The following ANK3 variants were observed in gnomAD, a reference collection of about 807,000 sequenced individuals.
ANK3 encodes the protein ankyrin-3.
A neutral mutation model predicts 370.9 loss-of-function variants in ANK3; 57 were observed. The observed-to-expected ratio is 0.15, with a 90% CI of 0.12 to 0.19. ANK3 has a LOEUF of 0.19. ANK3 is among the 10% of genes least tolerant of loss of function. ANK3 has a pLI of 1.00. For missense variants in ANK3, 4,439 were observed against 5,302.1 expected (o/e 0.84, Z 5.06); for synonymous variants, 1,929 against 1,946.3 (o/e 0.99, Z 0.23).
intron 1 of ANK3, among the ~76,000 whole-genome samples, chr10:60,305,539 A>C (rs1793362589): frequency 6.6e-6 from 1 of 152,074 alleles, no homozygotes; most frequent in Admixed American, 6.6e-5. Flanking sequence ...AAGAGACAGC[A>C]GTTGGTTATC....
chr10:60,576,028 T>C (rs148167224), intron 2 of ANK3, among the ~76,000 whole-genome samples: 94 of 152,328 alleles, frequency 6.2e-4, no homozygotes, highest in Non-Finnish European at 7.8e-4. Context: ...AAATGTTAAA[T>C]GTTAACTACT....
chr10:60,198,198 C>G, intron 14 of ANK3, 142 bp downstream of exon 14: 2 of 812,968 alleles, frequency 2.5e-6, no homozygotes, highest in South Asian at 3.6e-5. Context: ...CACCACAGAG[C>G]TTTGCTGGCC....
chr10:60,064,369 C>CAA, intron 38 of ANK3, 81 bp from the exon 39 acceptor site: 2 of 1,389,768 alleles, frequency 1.4e-6, no homozygotes, highest in Non-Finnish European at 1.9e-6. Flanking sequence ...TCAATTGCCA[C>CAA]AAAAAGAAAA....
At chr10:60,664,247 C>T (rs1212360149) in intron 1 of ANK3, among the ~76,000 whole-genome samples, 1 of 152,202 alleles carries the variant, frequency 6.6e-6, no homozygotes, top group African/African-American at 2.4e-5. Flanking sequence ...CTAATACTGT[C>T]AAGTTAGGGC....
At chr10:60,695,707 A>G (rs1028928532) in intron 1 of ANK3, among the ~76,000 whole-genome samples, 6 of 152,236 alleles carry the variant, frequency 3.9e-5, no homozygotes, top group African/African-American at 1.4e-4. Context: ...AACCAATGAG[A>G]ACAAAGACAC....
In ANK3 at chr10:60,691,139, C is replaced by T. The variant is rs138140319; in HGVS notation, c.57+42124G>A. ...TGTTAGGTCAAAGTCAGCTCTCCTA[C>T]GCTCCATGGCAAGTCTCCCCATCTT... is the stretch of plus-strand genomic sequence containing the variant. On this transcript the variant is annotated intron_variant, in intron 1 of 43. Transcript: ENST00000373827. 1.6e-4 allele frequency among the ~76,000 whole-genome samples: 24 copies of T among 152,238 alleles called. No homozygotes were observed. The East Asian group carries it at 3.1e-3, about 20-fold the overall frequency.
At chr10:60,535,091 T>C (rs1333606788) in intron 2 of ANK3, among the ~76,000 whole-genome samples, 2 of 152,166 alleles carry the variant, frequency 1.3e-5, no homozygotes, top group Non-Finnish European at 2.9e-5. Context: ...CATGTTTTTC[T>C]TTTTGTGAAA....
intron 2 of ANK3, among the ~76,000 whole-genome samples, chr10:60,608,557 T>C (rs1200540780): frequency 6.6e-6 from 1 of 152,158 alleles, no homozygotes; most frequent in Non-Finnish European, 1.5e-5. Flanking sequence ...ATTAGCAGAG[T>C]AACTCCCACC....
intron 2 of ANK3, among the ~76,000 whole-genome samples, chr10:60,408,738 C>T (rs935549252): frequency 3.3e-5 from 5 of 152,118 alleles, no homozygotes; most frequent in African/African-American, 7.2e-5. Context: ...GATCCCTTCC[C>T]GAGTGCATAC....
chr10:60,720,768 A>C (rs1443314387), intron 1 of ANK3, among the ~76,000 whole-genome samples: 1 of 152,130 alleles, frequency 6.6e-6, no homozygotes, highest in Non-Finnish European at 1.5e-5. Flanking sequence ...GCACACCACT[A>C]TGCCCTGCTA....
intron 1 of ANK3, among the ~76,000 whole-genome samples, chr10:60,362,226 T>C (rs2058717398): frequency 6.6e-6 from 1 of 152,216 alleles, no homozygotes; most frequent in Admixed American, 6.5e-5. Flanking sequence ...TAAAAAACAC[T>C]GCTAGAAAAA....
At chr10:60,507,796 T>A (rs1027121645) in intron 2 of ANK3, 2 of 152,080 alleles carry the variant, frequency 1.3e-5, no homozygotes, top group Non-Finnish European at 2.9e-5. Flanking sequence ...AGTCCTATAA[T>A]GTTTTTTAAA....
chr10:60,456,452 A>C (rs967665742), intron 2 of ANK3, among the ~76,000 whole-genome samples: 32 of 152,282 alleles, frequency 2.1e-4, no homozygotes, highest in African/African-American at 7.7e-4. Flanking sequence ...ATGGTTTTTC[A>C]AACTACCTCC....
At chr10:60,378,229 T>C (rs1353989375) in intron 1 of ANK3, among the ~76,000 whole-genome samples, 2 of 152,212 alleles carry the variant, frequency 1.3e-5, no homozygotes, top group African/African-American at 4.8e-5. Context: ...GTTTTTTTGA[T>C]GCTGGTGTTA....
At chr10:60,560,366 T>C (rs1396770530) in intron 2 of ANK3, among the ~76,000 whole-genome samples, 2 of 152,184 alleles carry the variant, frequency 1.3e-5, no homozygotes, top group Admixed American at 6.5e-5. Context: ...TAAGGACTAA[T>C]GTGTTGGTAT....
intron 1 of ANK3, among the ~76,000 whole-genome samples, chr10:60,295,594 A>G (rs1365731627): frequency 6.6e-6 from 1 of 152,164 alleles, no homozygotes; most frequent in East Asian, 1.9e-4. Context: ...AAGCAAACAA[A>G]GCAGAGAACA....
At chr10:60,131,352 A>G (rs1341419301) in intron 25 of ANK3, among the ~76,000 whole-genome samples, 1 of 152,200 alleles carries the variant, frequency 6.6e-6, no homozygotes, top group African/African-American at 2.4e-5. Context: ...CTGGTTCCAC[A>G]AGGAATGCCT....
chr10:60,582,344 G>A (rs1472559855), intron 2 of ANK3, among the ~76,000 whole-genome samples: 1 of 152,104 alleles, frequency 6.6e-6, no homozygotes, highest in East Asian at 1.9e-4. Flanking sequence ...ATCTATCTGA[G>A]GCAGTACATC....
At chr10:60,526,069 A>T (rs978398866) in intron 2 of ANK3, among the ~76,000 whole-genome samples, 2 of 151,856 alleles carry the variant, frequency 1.3e-5, no homozygotes, top group African/African-American at 4.8e-5. Context: ...AGAAACTCTG[A>T]CTCCTCCAGG....
Sources: allele counts gnomAD v4.1 joint callset (sites outside exome capture counted in the v4.1 genomes callset), GRCh38; gene constraint gnomAD v4.1.1; transcripts MANE v1.5; gene names NCBI Gene and HGNC (gene_info 2026-07-23, HGNC 2026-07-21).